The following SOX6 variants were observed in gnomAD, a reference collection of about 807,000 sequenced individuals.
SOX6 encodes the protein transcription factor SOX-6.
A neutral mutation model predicts 97.8 loss-of-function variants in SOX6; 11 were observed. That is an observed-to-expected ratio of 0.11 (90% confidence interval 0.07 to 0.19). The LOEUF (loss-of-function observed/expected upper bound fraction) is 0.19. Ranked by LOEUF, SOX6 falls within the 10% of genes least tolerant of loss-of-function variation. The probability of loss-of-function intolerance (pLI) is 1.00; values close to 1 mark genes in which losing one functional copy is unlikely to be tolerated. For missense variants in SOX6, 810 were observed against 1,039.5 expected, an observed-to-expected ratio of 0.78 and a Z score of 3.04; for synonymous variants, 360 against 371.4, an observed-to-expected ratio of 0.97 and a Z score of 0.35.
chr11:16,409,054 T>G (rs1242718622), intron 1 of SOX6, among the ~76,000 whole-genome samples: 1 of 152,058 alleles, frequency 6.6e-6, no homozygotes, highest in African/African-American at 2.4e-5. Context: ...GCAAGAGGCT[T>G]TTTCTCTGTT....
intron 9 of SOX6, among the ~76,000 whole-genome samples, chr11:16,092,215 C>T (rs1848704347): frequency 6.6e-6 from 1 of 151,902 alleles, no homozygotes; most frequent in Non-Finnish European, 1.5e-5. Context: ...GAGCCCCATC[C>T]TTCATTGTAT....
chr11:16,376,789 G>A (rs765421119), intron 1 of SOX6, among the ~76,000 whole-genome samples: 18 of 151,970 alleles, frequency 1.2e-4, no homozygotes, highest in Non-Finnish European at 2.6e-4. Flanking sequence ...AAAACCTACT[G>A]CACTATAGAT....
intron 9 of SOX6, among the ~76,000 whole-genome samples, chr11:16,088,503 A>C (rs931206142): frequency 6.6e-6 from 1 of 152,160 alleles, no homozygotes; most frequent in South Asian, 2.1e-4. Context: ...TGATATTTTT[A>C]CTGTCTCCAT....
intron 4 of SOX6, among the ~76,000 whole-genome samples, chr11:16,513,162 G>A (rs138954169): frequency 5.9e-5 from 9 of 152,314 alleles, no homozygotes; most frequent in African/African-American, 2.2e-4. Flanking sequence ...TTCACACTCA[G>A]GAGGTCAACT....
intron 2 of SOX6, among the ~76,000 whole-genome samples, chr11:16,730,430 G>A (rs1276565529): frequency 6.6e-6 from 1 of 152,124 alleles, no homozygotes; most frequent in African/African-American, 2.4e-5. Context: ...TAGAACTCAG[G>A]ATTAAGAAAC....
chr11:15,994,243 T>C (rs1474019767), intron 13 of SOX6, among the ~76,000 whole-genome samples: 1 of 151,974 alleles, frequency 6.6e-6, no homozygotes, highest in Non-Finnish European at 1.5e-5. Context: ...GAGATGAATA[T>C]TAGGGAGGCT....
chr11:16,659,469 T>A (rs1425035134), intron 3 of SOX6, among the ~76,000 whole-genome samples: 1 of 151,814 alleles, frequency 6.6e-6, no homozygotes, highest in African/African-American at 2.4e-5. Context: ...AGTGTCACTC[T>A]CCAACTCTCT....
intron 1 of SOX6, among the ~76,000 whole-genome samples, chr11:16,437,881 G>A (rs1306936291): frequency 6.6e-6 from 1 of 152,214 alleles, no homozygotes; most frequent in Non-Finnish European, 1.5e-5. Context: ...TTAGTACAGT[G>A]TCTGGTATAT....
rs775702839 is a variant in SOX6, at chr11:16,105,438, C to T, written c.898+6365G>A. Among the ~76,000 whole-genome samples, 36 of 152,164 alleles carry T rather than the reference C, an allele frequency of 2.4e-4. 1 individual carries two copies. In the Middle Eastern group the frequency reaches 0.017, roughly 72 times the overall value. On this transcript the variant is annotated intron_variant, in intron 7 of 15. Transcript: ENST00000683767. ...CTACAGCTGGCCAAGTGTGGTGGCA[C>T]GTGCCTATAGTCCCAGCTACTTGGG...
At chr11:16,341,973 A>G (rs1856650622) in intron 1 of SOX6, among the ~76,000 whole-genome samples, 1 of 152,050 alleles carries the variant, frequency 6.6e-6, no homozygotes, top group African/African-American at 2.4e-5. Context: ...TGAATTAAGT[A>G]TCTGAAATAG....
intron 7 of SOX6, among the ~76,000 whole-genome samples, chr11:16,106,374 A>G (rs569582305): frequency 1.9e-4 from 29 of 151,868 alleles, no homozygotes; most frequent in South Asian, 1.9e-3. Context: ...GTGTGTGTGT[A>G]TATATATATA....
intron 4 of SOX6, among the ~76,000 whole-genome samples, chr11:16,232,741 C>A (rs1452566965): frequency 6.6e-6 from 1 of 152,086 alleles, no homozygotes; most frequent in African/African-American, 2.4e-5. Flanking sequence ...CAAACCATTT[C>A]TGTTCTCACT....
In SOX6 at chr11:16,488,613, G is replaced by A. The variant is rs191577026; in HGVS notation, n.610-12225C>T. Among the ~76,000 whole-genome samples, 27 of 152,244 alleles carry A rather than the reference G, an allele frequency of 1.8e-4. No homozygotes were observed. The East Asian group carries it at 5.2e-3, about 29-fold the overall frequency. On this transcript the variant is annotated intron_variant and non_coding_transcript_variant, in intron 4 of 5. Transcript: ENST00000524520. ...ACAAGACCCTACAGTTGTGACTTTA[G>A]TAATGCTACCACATTATCACACCTA...
chr11:16,670,745 T>A (rs1233290642), intron 3 of SOX6, among the ~76,000 whole-genome samples: 1 of 152,122 alleles, frequency 6.6e-6, no homozygotes, highest in East Asian at 1.9e-4. Flanking sequence ...CAAAAGACCC[T>A]TGGCCACAAC....
intron 6 of SOX6, among the ~76,000 whole-genome samples, chr11:16,123,416 G>C (rs1215598985): frequency 6.6e-6 from 1 of 151,974 alleles, no homozygotes; most frequent in Non-Finnish European, 1.5e-5. Context: ...ATGGCAAATT[G>C]TCCCTCCTTG....
rs187113829 is a variant in SOX6, at chr11:16,512,319, A to C, written n.610-35931T>G. Among the ~76,000 whole-genome samples the C allele has an allele frequency of 3.9e-5, 6 of 152,306 alleles. No individual in the cohort carries two copies. In the East Asian group the frequency reaches 9.6e-4, roughly 24 times the overall value. On this transcript the variant is annotated intron_variant and non_coding_transcript_variant, in intron 4 of 5. Transcript: ENST00000524520. ...GATCACTTAGTGAACCGCAAACACA[A>C]ATCAGTTTACGGTTTCAACATTACA...
intron 1 of SOX6, among the ~76,000 whole-genome samples, chr11:16,420,875 C>G (rs1346922402): frequency 6.6e-6 from 1 of 152,096 alleles, no homozygotes; most frequent in African/African-American, 2.4e-5. Context: ...ACAAAACAGA[C>G]CAAGGACATT....
chr11:16,326,422 T>C (rs550334790), intron 2 of SOX6, among the ~76,000 whole-genome samples: 1 of 152,152 alleles, frequency 6.6e-6, no homozygotes, highest in East Asian at 1.9e-4. Context: ...TCCCTCCATG[T>C]CACATAGGCA....
In SOX6 at chr11:16,225,743, A is replaced by G. The variant is rs115621617; in HGVS notation, c.535+8839T>C. Among the ~76,000 whole-genome samples, 890 of 152,320 alleles carry G rather than the reference A, an allele frequency of 5.8e-3. 14 individuals are homozygous for G. The highest frequency in any genetic ancestry group is 0.02 in the African/African-American group (834 of 41,576). Reference sequence around the variant, plus strand: ...TTTGATCTTCAAAGATCTATCATGCAGTGAAAAAAACCATGACTTTTGTGT... The same window carrying G: ...TTTGATCTTCAAAGATCTATCATGCGGTGAAAAAAACCATGACTTTTGTGT... On this transcript the variant is annotated intron_variant, in intron 4 of 15. Coordinates refer to ENST00000683767, the MANE Select transcript of SOX6 (RefSeq NM_001367873.1).
Sources: gnomAD v4.1 joint callset for allele counts (sites outside exome capture counted in the v4.1 genomes callset) on GRCh38, gnomAD v4.1.1 for gene constraint, MANE v1.5 for transcripts, NCBI Gene and HGNC (gene_info 2026-07-23, HGNC 2026-07-21) for gene names.